The following SYNPR variants were observed in gnomAD, a reference collection of about 807,000 sequenced individuals.
SYNPR encodes synaptoporin.
SYNPR carries 23 observed loss-of-function variants against 32.9 expected under a neutral mutation model. The ratio of observed to expected loss-of-function variants is 0.70; its 90% CI spans 0.50 to 0.99. SYNPR has a LOEUF of 0.99. Among genes scored for constraint, SYNPR ranks in the 50% least tolerant of loss-of-function variants. SYNPR has a pLI of 0.00. For synonymous variants in SYNPR, 146 were observed against 135.9 expected (o/e 1.07, Z -0.52); for missense variants, 318 against 349.3 (o/e 0.91, Z 0.71).
chr3:63,586,654 ATGTGTG>A (rs10530383), intron 4 of SYNPR, among the ~76,000 whole-genome samples: 1 of 143,630 alleles, frequency 7.0e-6, no homozygotes, highest in Non-Finnish European at 1.5e-5. Context: ...TGCAGATTCA[ATGTGTG>A]TGTGTGTGTG....
Position 63,338,554 on chromosome 3 carries a change from C to T in SYNPR, c.84+59812C>T, listed in dbSNP as rs150656519. 5.1e-4 allele frequency among the ~76,000 whole-genome samples: 78 copies of T among 152,268 alleles called. 1 individual carries two copies. In the East Asian group the frequency reaches 8.7e-3, roughly 17 times the overall value. ...AGCTTCAGATCCAAGTGGATCCTTGCCAACAGCTTGAAATATAAGAGCCAA... is the reference window on the plus strand; with the variant it reads ...AGCTTCAGATCCAAGTGGATCCTTGTCAACAGCTTGAAATATAAGAGCCAA... On this transcript the variant is annotated intron_variant, in intron 2 of 5. Coordinates refer to ENST00000478300, the MANE Select transcript of SYNPR (RefSeq NM_001130003.2).
chr3:63,481,238 G>C (rs1000147888), intron 3 of SYNPR, among the ~76,000 whole-genome samples: 29 of 152,110 alleles, frequency 1.9e-4, no homozygotes, highest in African/African-American at 6.8e-4. Context: ...AGGGAGATTG[G>C]AGAAGTAATT....
At chr3:63,339,659 G>GTT (rs2106998792) in intron 2 of SYNPR, among the ~76,000 whole-genome samples, 1 of 142,800 alleles carries the variant, frequency 7.0e-6, no homozygotes, top group East Asian at 2.2e-4. Flanking sequence ...AATTCCTTGT[G>GTT]TTCTTTTTTT....
chr3:63,326,000 T>C (rs1277629736), intron 2 of SYNPR, among the ~76,000 whole-genome samples: 2 of 152,040 alleles, frequency 1.3e-5, no homozygotes, highest in African/African-American at 2.4e-5. Flanking sequence ...GTCATTTTTA[T>C]TCATTGGTCC....
chr3:63,278,620 C>G (rs917061192), intron 1 of SYNPR, 57 bp from the exon 2 acceptor site: 180 of 1,549,970 alleles, frequency 1.2e-4, no homozygotes, highest in Non-Finnish European at 1.5e-4. Flanking sequence ...TTGGGAGAGG[C>G]GCCCCCAGCC....
At position 63,418,657 on chromosome 3, in the gene SYNPR, T is replaced by C. The variant is rs550214088; in HGVS notation, c.85-62175T>C. 2.6e-5 allele frequency among the ~76,000 whole-genome samples: 4 copies of C among 152,154 alleles called. No individual in the cohort carries two copies. In the South Asian group the frequency reaches 8.3e-4, roughly 32 times the overall value. On this transcript the variant is annotated intron_variant, in intron 2 of 5. Transcript: ENST00000478300. ...GGAAAACAAAGAGGAACAAGCCACG[T>C]CTTACACAACATGGCAGCAGGCAGA... is the stretch of plus-strand genomic sequence containing the variant.
intron 5 of SYNPR, among the ~76,000 whole-genome samples, chr3:63,612,250 C>G (rs1156586708): frequency 6.6e-6 from 1 of 152,084 alleles, no homozygotes; most frequent in African/African-American, 2.4e-5. Context: ...AGCATCATGC[C>G]CAGCTTATGG....
At position 63,388,379 on chromosome 3, in the gene SYNPR, CTTT is replaced by C. The variant is rs144044254; in HGVS notation, c.85-92429_85-92427del. On this transcript the variant is annotated intron_variant, in intron 2 of 5. Coordinates refer to ENST00000478300, the MANE Select transcript of SYNPR (RefSeq NM_001130003.2). The stretch of plus-strand genomic sequence containing the variant: ...CAAAACCCAAGTAAAGTTTGGAGCT[CTTT>C]TTTTTTTTTTTTTTTTTTTTTTTAA... 4.4e-3 allele frequency among the ~76,000 whole-genome samples: 364 copies of C among 83,644 alleles called. 9 individuals carry two copies. The East Asian group carries it at 0.062, about 14-fold the overall frequency. 54.9% of individuals were successfully genotyped at this position (83,644 alleles called of 152,430 possible). A position where few individuals can be genotyped will look rare whatever the true frequency, so the allele number is the denominator to read the frequency against.
At chr3:63,219,478 C>T in the SYNPR span, among the ~76,000 whole-genome samples, 29 of 152,084 alleles carry the variant, frequency 1.9e-4, no homozygotes, top group Non-Finnish European at 3.4e-4. Context: ...CAGAAATATA[C>T]AGTTGACCTT....
At chr3:63,423,579 C>T (rs1289264894) in intron 2 of SYNPR, 7 of 152,264 alleles carry the variant, frequency 4.6e-5, no homozygotes, top group African/African-American at 1.7e-4. Context: ...AGTCCCAGAT[C>T]TTCCTGGCCA....
intron 3 of SYNPR, among the ~76,000 whole-genome samples, chr3:63,543,715 G>C (rs1248953264): frequency 6.6e-6 from 1 of 152,006 alleles, no homozygotes; most frequent in Non-Finnish European, 1.5e-5. Flanking sequence ...TGTCCAAATT[G>C]GGGTAATTTA....
At chr3:63,561,163 A>G (rs1702682506) in intron 4 of SYNPR, among the ~76,000 whole-genome samples, 1 of 152,230 alleles carries the variant, frequency 6.6e-6, no homozygotes, top group Admixed American at 6.5e-5. Context: ...ATCTCAATTT[A>G]TAGTCCTCTG....
chr3:63,437,706 C>A (rs1263822349), intron 2 of SYNPR, among the ~76,000 whole-genome samples: 1 of 151,932 alleles, frequency 6.6e-6, no homozygotes, highest in Non-Finnish European at 1.5e-5. Flanking sequence ...GAGAAAGAAG[C>A]TGTAAGTATG....
chr3:63,484,037 C>T (rs975093147), intron 3 of SYNPR, among the ~76,000 whole-genome samples: 7 of 152,112 alleles, frequency 4.6e-5, no homozygotes, highest in African/African-American at 1.7e-4. Flanking sequence ...AGTTATCAGA[C>T]ACATATTTTA....
upstream of SYNPR, among the ~76,000 whole-genome samples, chr3:63,223,682 G>A (rs544891226): frequency 2.6e-5 from 4 of 152,226 alleles, no homozygotes; most frequent in South Asian, 2.1e-4. Flanking sequence ...GACTAGCATC[G>A]CCATGTTATA....
Position 63,609,105 on chromosome 3 carries a change from A to C in SYNPR, c.409-20A>C, listed in dbSNP as rs761615558. ...CTCACATTTTCTTTTACCATTTTCT[A>C]TTCTGATTTGTTTCTGTAGGACTTC... On this transcript the variant is annotated intron_variant, in intron 4 of 5. Transcript: ENST00000478300. 1.4e-5 allele frequency: 22 copies of C among 1,577,970 alleles called. No homozygotes were observed. The Admixed American group carries it at 3.0e-4, about 22-fold the overall frequency.
intron 2 of SYNPR, among the ~76,000 whole-genome samples, chr3:63,478,612 T>G (rs6778481): frequency 0.43 from 65,418 of 152,010 alleles, 14,097 homozygotes; most frequent in East Asian, 0.49. Context: ...CACACACTTA[T>G]GACTCCTGCC....
intron 2 of SYNPR, chr3:63,443,339 A>G: frequency 6.6e-7 from 1 of 1,525,824 alleles, no homozygotes. Context: ...CTTCATAAAA[A>G]GAGGGACAAG....
chr3:63,493,900 T>C (rs551682220), intron 3 of SYNPR, among the ~76,000 whole-genome samples: 1 of 151,110 alleles, frequency 6.6e-6, no homozygotes, highest in Non-Finnish European at 1.5e-5. Context: ...AGCCCAAGGA[T>C]TGGCATCTTA....
Sources: gnomAD v4.1 joint callset for allele counts (sites outside exome capture counted in the v4.1 genomes callset) on GRCh38, gnomAD v4.1.1 for gene constraint, MANE v1.5 for transcripts, NCBI Gene and HGNC (gene_info 2026-07-23, HGNC 2026-07-21) for gene names.